The following MIER3 variants were observed in gnomAD, a reference collection of about 807,000 sequenced individuals.
The protein encoded by MIER3 is MIER family member 3.
MIER3 carries 9 observed loss-of-function variants against 63.2 expected under a neutral mutation model. The ratio of observed to expected loss-of-function variants is 0.14; its 90% CI spans 0.09 to 0.25. The LOEUF is 0.25. Ranked by LOEUF, MIER3 falls within the 10% of genes least tolerant of loss-of-function variation. MIER3 has a pLI of 1.00. For missense variants in MIER3, 512 were observed against 666.2 expected (o/e 0.77, Z 2.55); for synonymous variants, 205 against 224.9 (o/e 0.91, Z 0.79).
At position 56,935,533 on chromosome 5, in the gene MIER3, T is replaced by C. The variant is rs182111714; in HGVS notation, c.523-33A>G. The C allele has an allele frequency of 1.5e-5, 23 of 1,547,394 alleles. No homozygotes were observed. In the Admixed American group the frequency reaches 4.6e-4, roughly 31 times the overall value. On this transcript the variant is annotated intron_variant, in intron 6 of 12. Coordinates refer to ENST00000381199, the MANE Select transcript of MIER3 (RefSeq NM_001297599.2). ...AAAATTGAGAGGTAAAAATAACTTA[T>C]TAAAAAAAAAATACTGAAAAAAAGC...
At position 56,922,992 on chromosome 5, in the gene MIER3, T is replaced by G; in HGVS notation, c.*136A>C. ...TGAAAATACTCTTGATAAATCAAGA[T>G]ATAGTTCTATACATACTGACATCAC... On this transcript the variant is annotated 3_prime_UTR_variant, in exon 13 of 13. Coordinates refer to ENST00000381199, the MANE Select transcript of MIER3 (RefSeq NM_001297599.2). 1 of 661,034 alleles carries G rather than the reference T, an allele frequency of 1.5e-6. No homozygotes were observed. Among genetic ancestry groups the G allele is most frequent in the East Asian group, 2.7e-5 (1 of 36,620 alleles). The allele number at this position is 661,034 out of a possible 1,614,324, so 40.9% of individuals were successfully genotyped here.
At chr5:56,925,950 C>A (rs371051042) in intron 10 of MIER3, among the ~76,000 whole-genome samples, 2 of 151,986 alleles carry the variant, frequency 1.3e-5, no homozygotes, top group Admixed American at 6.6e-5. Flanking sequence ...CCCACGGGTA[C>A]AGTCAACTGA....
chr5:56,949,670 T>C (rs1036815359), intron 2 of MIER3, among the ~76,000 whole-genome samples: 2 of 152,246 alleles, frequency 1.3e-5, no homozygotes. Flanking sequence ...AAAGTAATAG[T>C]GTAAGGAAAC....
rs150084034 is a variant in MIER3 at position 56,932,173 on chromosome 5, G to A, written c.747+1074C>T. Among the ~76,000 whole-genome samples the A allele has an allele frequency of 9.9e-5, 15 of 152,170 alleles. No homozygotes were observed. The East Asian group carries it at 2.9e-3, about 29-fold the overall frequency. Reference sequence around the variant, plus strand: ...TACTCGGGAGGCTGAGGCAGAAGAAGTGCTTGAACCTGGGAGGTGGAGGTT... The same window carrying A: ...TACTCGGGAGGCTGAGGCAGAAGAAATGCTTGAACCTGGGAGGTGGAGGTT... On this transcript the variant is annotated intron_variant, in intron 8 of 12. Transcript: ENST00000381199.
At chr5:56,952,162 G>A, upstream of MIER3, 2 of 1,162,472 alleles carry the variant, frequency 1.7e-6, no homozygotes, top group Non-Finnish European at 1.1e-6. Flanking sequence ...GGGCGCCTGA[G>A]CCAATCGCAG....
At chr5:56,940,481 C>T (rs1750607729) in intron 3 of MIER3, among the ~76,000 whole-genome samples, 1 of 152,244 alleles carries the variant, frequency 6.6e-6, no homozygotes, top group Non-Finnish European at 1.5e-5. Context: ...AAAGTTTGGC[C>T]TTCACCTTTG....
At chr5:56,944,016 A>G (rs1750741593) in intron 3 of MIER3, among the ~76,000 whole-genome samples, 1 of 152,232 alleles carries the variant, frequency 6.6e-6, no homozygotes, top group African/African-American at 2.4e-5. Context: ...GCTAACCAAT[A>G]TCTTGGACAA....
rs76773628 is a variant in MIER3 at position 56,935,207 on chromosome 5, C to A, written c.595+221G>T. Among the ~76,000 whole-genome samples the A allele has an allele frequency of 1.3e-3, 194 of 152,174 alleles. 4 individuals are homozygous for A. In the East Asian group the frequency reaches 0.035, roughly 28 times the overall value. On this transcript the variant is annotated intron_variant, in intron 7 of 12. Coordinates refer to ENST00000381199, the MANE Select transcript of MIER3 (RefSeq NM_001297599.2). ...CACTGAGCACACTGGCTAATAAGCACTATGTGTGCCTTGGGCAGGGTTGGG... is the reference window on the plus strand; with the variant it reads ...CACTGAGCACACTGGCTAATAAGCAATATGTGTGCCTTGGGCAGGGTTGGG...
chr5:56,939,964 G>A (rs925756834), intron 3 of MIER3, among the ~76,000 whole-genome samples: 1 of 152,152 alleles, frequency 6.6e-6, no homozygotes, highest in Non-Finnish European at 1.5e-5. Flanking sequence ...GCCTAATGAC[G>A]CCTTTTTCAG....
chr5:56,930,808 G>C (rs951673465), intron 8 of MIER3, 63 bp from the exon 9 acceptor site: 85 of 1,316,850 alleles, frequency 6.5e-5, no homozygotes, highest in Non-Finnish European at 4.4e-5. Context: ...TAAAAAACAG[G>C]TGTAAGAGTT....
In MIER3 at chr5:56,920,427, A is replaced by G. The variant is rs903806203; in HGVS notation, c.*2701T>C. On this transcript the variant is annotated 3_prime_UTR_variant, in exon 13 of 13. Coordinates refer to ENST00000381199, the MANE Select transcript of MIER3 (RefSeq NM_001297599.2). Reference sequence around the variant, plus strand: ...CTCACCATGAATTTTTGGTTTGTTCATAAGAAAATAATGGGGCAAAGGAAA... The same window carrying G: ...CTCACCATGAATTTTTGGTTTGTTCGTAAGAAAATAATGGGGCAAAGGAAA... 2.0e-5 allele frequency: 3 copies of G among 152,592 alleles called. No homozygotes were observed. Among genetic ancestry groups the G allele is most frequent in the African/African-American group, 7.2e-5 (3 of 41,460 alleles). The allele number at this position is 152,592 out of a possible 1,614,324, so 9.5% of individuals were successfully genotyped here.
Position 56,920,827 on chromosome 5 carries a change from G to T in MIER3, c.*2301C>A, listed in dbSNP as rs1272684825. 1 of 152,358 alleles carries T rather than the reference G, an allele frequency of 6.6e-6. No homozygotes were observed. Among genetic ancestry groups the T allele is most frequent in the Non-Finnish European group, 1.5e-5 (1 of 67,896 alleles). 9.4% of individuals were successfully genotyped at this position (152,358 alleles called of 1,614,324 possible). On this transcript the variant is annotated 3_prime_UTR_variant, in exon 13 of 13. Coordinates refer to ENST00000381199, the MANE Select transcript of MIER3 (RefSeq NM_001297599.2). ...ATTTACACTTATATACAAAAATCTT[G>T]CAAATTATTGCCTCATTTTAACAAG...
rs979524343 is a variant in MIER3 at position 56,920,634 on chromosome 5, A to C, written c.*2494T>G. Reference sequence around the variant, plus strand: ...ATGTTTAAACTGAGAGAAAAAAAAAACCCAGTAAATCCAGCTTTTAAAAGA... The same window carrying C: ...ATGTTTAAACTGAGAGAAAAAAAAACCCCAGTAAATCCAGCTTTTAAAAGA... On this transcript the variant is annotated 3_prime_UTR_variant, in exon 13 of 13. Coordinates refer to ENST00000381199, the MANE Select transcript of MIER3 (RefSeq NM_001297599.2). The C allele has an allele frequency of 2.9e-4, 44 of 152,450 alleles. No individual in the cohort carries two copies. Among genetic ancestry groups the C allele is most frequent in the Admixed American group, 5.2e-4 (8 of 15,272 alleles). The allele number at this position is 152,450 out of a possible 1,614,324, so 9.4% of individuals were successfully genotyped here. A position where few individuals can be genotyped will look rare whatever the true frequency, so the allele number is the denominator to read the frequency against.
chr5:56,950,707 A>G (rs775963851), intron 1 of MIER3, 55 bp from the exon 2 acceptor site: 414 of 1,602,932 alleles, frequency 2.6e-4, no homozygotes, highest in Non-Finnish European at 3.4e-4. Flanking sequence ...GGAAAGAGGC[A>G]GCGCCGGCAA....
chr5:56,948,560 G>A lies in MIER3; in HGVS notation c.35-1489C>T, dbSNP rs528129020. Among the ~76,000 whole-genome samples the A allele has an allele frequency of 2.8e-4, 42 of 152,128 alleles. No homozygotes were observed. The South Asian group carries it at 7.9e-3, about 29-fold the overall frequency. ...GGGCACCTGTAATACCACCAGCTAC[G>A]TGGGAGGCTGAGGCAGGAGAATCGC... On this transcript the variant is annotated intron_variant, in intron 2 of 12. Coordinates refer to ENST00000381199, the MANE Select transcript of MIER3 (RefSeq NM_001297599.2).
chr5:56,924,936 A>T (rs1749888431), intron 10 of MIER3, among the ~76,000 whole-genome samples: 1 of 152,208 alleles, frequency 6.6e-6, no homozygotes, highest in Non-Finnish European at 1.5e-5. Context: ...TTCAATAAAC[A>T]TCATTAACTA....
rs1749695448 is a variant in MIER3, at chr5:56,921,995, A to C, written c.*1133T>G. 1 of 152,764 alleles carries C rather than the reference A, an allele frequency of 6.5e-6. No individual in the cohort carries two copies. Among genetic ancestry groups the C allele is most frequent in the African/African-American group, 2.4e-5 (1 of 41,582 alleles). The allele number at this position is 152,764 out of a possible 1,614,324, so 9.5% of individuals were successfully genotyped here. The stretch of plus-strand genomic sequence containing the variant: ...GAACATCTATCAATTTTTAAAACTT[A>C]AAAGTGGTAATGTACCATTCTATTT... On this transcript the variant is annotated 3_prime_UTR_variant, in exon 13 of 13. Coordinates refer to ENST00000381199, the MANE Select transcript of MIER3 (RefSeq NM_001297599.2).
In MIER3 at chr5:56,944,888, G is replaced by T. The variant is rs1330405778; in HGVS notation, c.180+2038C>A. On this transcript the variant is annotated intron_variant, in intron 3 of 12. Transcript: ENST00000381199. ...TGTTAAATTTTTTTGGTAGAAACAG[G>T]GTCTCACTATGTGGCCCAGGCTGGT... Among the ~76,000 whole-genome samples, 5 of 148,326 alleles carry T rather than the reference G, an allele frequency of 3.4e-5. No individual in the cohort carries two copies. The Admixed American group carries it at 3.4e-4, about 10-fold the overall frequency.
At chr5:56,945,195 G>C (rs1278145932) in intron 3 of MIER3, among the ~76,000 whole-genome samples, 1 of 152,146 alleles carries the variant, frequency 6.6e-6, no homozygotes, top group African/African-American at 2.4e-5. Context: ...CAGGTGTGGT[G>C]GCTCATGCTA....
Sources: gnomAD v4.1 joint callset for allele counts (sites outside exome capture counted in the v4.1 genomes callset) on GRCh38, gnomAD v4.1.1 for gene constraint, MANE v1.5 for transcripts, NCBI Gene and HGNC (gene_info 2026-07-23, HGNC 2026-07-21) for gene names.